The following SLC22A14 variants were observed in gnomAD, a reference collection of about 807,000 sequenced individuals.
SLC22A14 encodes the protein solute carrier family 22 member 14.
A neutral mutation model predicts 53.9 loss-of-function variants in SLC22A14; 50 were observed. The observed-to-expected ratio is 0.93, with a 90% CI of 0.74 to 1.17. The LOEUF (loss-of-function observed/expected upper bound fraction) is 1.17. Among genes scored for constraint, SLC22A14 ranks in the 50% most tolerant of loss-of-function variants. SLC22A14 has a pLI of 0.00. For synonymous variants in SLC22A14, 312 were observed against 303.0 expected, an observed-to-expected ratio of 1.03 and a Z score of -0.31; for missense variants, 671 against 734.7, an observed-to-expected ratio of 0.91 and a Z score of 1.00.
At chr3:38,283,446 G>A (rs979769461) in intron 1 of SLC22A14, among the ~76,000 whole-genome samples, 1 of 152,060 alleles carries the variant, frequency 6.6e-6, no homozygotes, top group Non-Finnish European at 1.5e-5. Context: ...TGAGATAAGG[G>A]ATCCCGAACT....
chr3:38,280,631 CT>C (rs35898444), upstream of SLC22A14, among the ~76,000 whole-genome samples: 2,240 of 143,204 alleles, frequency 0.016, 25 homozygotes, highest in African/African-American at 0.025. Flanking sequence ...GTTCTGGGAT[CT>C]TTTTTTTTTT....
At chr3:38,286,719 G>T (rs1381469040) in intron 1 of SLC22A14, among the ~76,000 whole-genome samples, 1 of 132,012 alleles carries the variant, frequency 7.6e-6, no homozygotes, top group Non-Finnish European at 1.6e-5. Flanking sequence ...GCCCTGATTT[G>T]TGTGGGTTTT....
chr3:38,299,605 T>C (rs6769895), intron 1 of SLC22A14, among the ~76,000 whole-genome samples: 9,778 of 152,300 alleles, frequency 0.064, 378 homozygotes, highest in East Asian at 0.16. Flanking sequence ...CCCTATCGCC[T>C]AGGCTGGAGG....
intron 1 of SLC22A14, among the ~76,000 whole-genome samples, chr3:38,289,543 T>C (rs561000644): frequency 6.6e-6 from 1 of 152,312 alleles, no homozygotes; most frequent in South Asian, 2.1e-4. Context: ...GAATGGAATC[T>C]TGGGCCATGC....
At chr3:38,289,747 C>T (rs186146750) in intron 1 of SLC22A14, among the ~76,000 whole-genome samples, 222 of 152,310 alleles carry the variant, frequency 1.5e-3, no homozygotes, top group African/African-American at 5.1e-3. Context: ...CTGCCAGATC[C>T]GGAGGGGTGG....
intron 1 of SLC22A14, among the ~76,000 whole-genome samples, chr3:38,292,899 G>T (rs950980589): frequency 6.6e-6 from 1 of 152,198 alleles, no homozygotes; most frequent in Non-Finnish European, 1.5e-5. Flanking sequence ...CTTAGTGGCT[G>T]GGAGAAGTAT....
At chr3:38,281,520 A>G (rs1045288081), upstream of SLC22A14, among the ~76,000 whole-genome samples, 1 of 152,196 alleles carries the variant, frequency 6.6e-6, no homozygotes, top group Non-Finnish European at 1.5e-5. Flanking sequence ...GGAACCGAGC[A>G]AGCTAGCTTG....
intron 1 of SLC22A14, among the ~76,000 whole-genome samples, chr3:38,300,273 C>A (rs80197408): frequency 6.6e-6 from 1 of 152,032 alleles, no homozygotes; most frequent in Non-Finnish European, 1.5e-5. Flanking sequence ...AACTCTATAT[C>A]TACCAAAAAT....
Position 38,307,902 on chromosome 3 carries a change from G to T in SLC22A14, c.775+182G>T. 1.6e-6 allele frequency: 1 copy of T among 643,372 alleles called. No individual in the cohort carries two copies. The highest frequency in any genetic ancestry group is 2.7e-6 in the Non-Finnish European group (1 of 372,786). 39.9% of individuals were successfully genotyped at this position (643,372 alleles called of 1,614,324 possible). Reference sequence around the variant, plus strand: ...CGTGGGCATCTGCTGGGATCCCACAGGACACAGAGTCAGGGGCCTAATTGG... The same window carrying T: ...CGTGGGCATCTGCTGGGATCCCACATGACACAGAGTCAGGGGCCTAATTGG... On this transcript the variant is annotated intron_variant, in intron 4 of 10. Transcript: ENST00000448498. The surrounding 1 kb of genome is among the most constrained non-coding windows in gnomAD (Gnocchi z 4.4).
upstream of SLC22A14, among the ~76,000 whole-genome samples, chr3:38,278,894 C>T (rs1462669021): frequency 6.6e-6 from 1 of 151,710 alleles, no homozygotes; most frequent in Non-Finnish European, 1.5e-5. Context: ...GGACTGCCTT[C>T]CTCAGCACCT....
intron 1 of SLC22A14, among the ~76,000 whole-genome samples, chr3:38,288,991 G>A (rs2125871853): frequency 6.6e-6 from 1 of 151,852 alleles, no homozygotes. Flanking sequence ...ACCATCCTGG[G>A]CAACAAAGTG....
At chr3:38,282,661 C>A (rs1010624876) in intron 1 of SLC22A14, among the ~76,000 whole-genome samples, 1 of 152,106 alleles carries the variant, frequency 6.6e-6, no homozygotes, top group African/African-American at 2.4e-5. Flanking sequence ...GTCCACCTGG[C>A]AGAGGACCTT....
Position 38,294,666 on chromosome 3 carries a change from C to G in SLC22A14, c.1-11361C>G, listed in dbSNP as rs551254325. 2.6e-5 allele frequency among the ~76,000 whole-genome samples: 4 copies of G among 152,230 alleles called. No individual in the cohort carries two copies. The East Asian group carries it at 5.8e-4, about 22-fold the overall frequency. On this transcript the variant is annotated intron_variant, in intron 1 of 10. Coordinates refer to ENST00000448498, the MANE Select transcript of SLC22A14 (RefSeq NM_001320033.2). ...TATTCCTTTCCAGGGTGCGTAACCA[C>G]CCATGGACCTCTGCTTATTGGATTA... is the stretch of plus-strand genomic sequence containing the variant.
Position 38,316,329 on chromosome 3 carries a change from C to G in SLC22A14, c.1538C>G (p.Thr513Arg). 1 of 1,614,074 alleles carries G rather than the reference C, an allele frequency of 6.2e-7. No homozygotes were observed. Among genetic ancestry groups the G allele is most frequent in the Non-Finnish European group, 8.5e-7 (1 of 1,179,980 alleles). The stretch of plus-strand genomic sequence containing the variant: ...GCTCTCACCTCCACTTTCAGGGCGA[C>G]AGGTCTGGGGCTGGTGTCTCTGGCC... ...AELLPTVLRA[T>R]GLGLVSLASV... The change falls in exon 10 of 11, where the codon ACA (threonine) becomes AGA (arginine). Residue 513 changes from threonine to arginine, a missense_variant. Physicochemically the swap from Thr to Arg is moderately conservative, Grantham distance 71. Coordinates refer to ENST00000448498, the MANE Select transcript of SLC22A14 (RefSeq NM_001320033.2).
rs566912963 is a variant in SLC22A14 at position 38,302,319 on chromosome 3, T to C, written c.1-3708T>C. 1.4e-3 allele frequency among the ~76,000 whole-genome samples: 210 copies of C among 145,364 alleles called. 1 individual carries two copies. The highest frequency in any genetic ancestry group is 4.7e-3 in the African/African-American group (188 of 40,070). On this transcript the variant is annotated intron_variant, in intron 1 of 10. Transcript: ENST00000448498. ...ATATACACATATATATTTATATATA[T>C]ACATATATATTTATATATATATTTA...
At chr3:38,302,574 T>C (rs2125882938) in intron 1 of SLC22A14, among the ~76,000 whole-genome samples, 1 of 152,148 alleles carries the variant, frequency 6.6e-6, no homozygotes, top group East Asian at 1.9e-4. Context: ...GGAAGATTGC[T>C]TGAGCCTGGG....
At chr3:38,316,032 AG>A (rs763414964) in intron 9 of SLC22A14, among the ~76,000 whole-genome samples, 7 of 152,194 alleles carry the variant, frequency 4.6e-5, no homozygotes, top group Non-Finnish European at 7.4e-5. Context: ...GGCCACTTGG[AG>A]GCTCAGATCC....
At chr3:38,292,258 T>C (rs13061790) in intron 1 of SLC22A14, among the ~76,000 whole-genome samples, 22,549 of 152,184 alleles carry the variant, frequency 0.15, 1,882 homozygotes, top group Non-Finnish European at 0.19. Flanking sequence ...ACTCTTGGGG[T>C]AAAACAGTCC....
At chr3:38,315,458 C>A in intron 8 of SLC22A14, 100 bp from the exon 9 acceptor site, 4 of 1,269,494 alleles carry the variant, frequency 3.2e-6, no homozygotes, top group Non-Finnish European at 4.3e-6. Flanking sequence ...AATGCCTGAG[C>A]CTGCTGGCCA....
Sources: allele counts gnomAD v4.1 joint callset (sites outside exome capture counted in the v4.1 genomes callset), GRCh38; gene constraint gnomAD v4.1.1; non-coding constraint Gnocchi (gnomAD v3.1); transcripts MANE v1.5; gene names NCBI Gene and HGNC (gene_info 2026-07-23, HGNC 2026-07-21).